CCSER1: variants seen among roughly 807,000 people sequenced by gnomAD.
CCSER1 encodes coiled-coil serine rich protein 1.
A neutral mutation model predicts 82.0 loss-of-function variants in CCSER1; 41 were observed. The ratio of observed to expected loss-of-function variants is 0.50; its 90% confidence interval spans 0.39 to 0.65. The LOEUF is 0.65. Among genes scored for constraint, CCSER1 ranks in the 30% least tolerant of loss-of-function variants. The probability of loss-of-function intolerance (pLI) is 0.00; values close to 1 mark genes in which losing one functional copy is unlikely to be tolerated. For missense variants in CCSER1, 1,119 were observed against 1,064.2 expected (o/e 1.05, Z -0.72); for synonymous variants, 414 against 383.9 (o/e 1.08, Z -0.92).
At chr4:90,307,100 G>A (rs1022032955) in intron 1 of CCSER1, among the ~76,000 whole-genome samples, 1 of 152,102 alleles carries the variant, frequency 6.6e-6, no homozygotes, top group African/African-American at 2.4e-5. Flanking sequence ...TTGCTTTTCT[G>A]TTGTAAAATG....
At chr4:90,779,598 C>T (rs991382493) in intron 7 of CCSER1, among the ~76,000 whole-genome samples, 6 of 152,216 alleles carry the variant, frequency 3.9e-5, no homozygotes, top group African/African-American at 1.4e-4. Context: ...AGACGTTCCT[C>T]ATGGGTTATG....
At chr4:91,350,213 A>T (rs1348666821) in intron 10 of CCSER1, among the ~76,000 whole-genome samples, 1 of 152,094 alleles carries the variant, frequency 6.6e-6, no homozygotes, top group Non-Finnish European at 1.5e-5. Flanking sequence ...TTCTGTATTA[A>T]ATTGAATTTG....
chr4:90,475,376 C>A (rs1578663774), intron 5 of CCSER1, among the ~76,000 whole-genome samples: 1 of 152,160 alleles, frequency 6.6e-6, no homozygotes, highest in Non-Finnish European at 1.5e-5. Flanking sequence ...AGGGTGGAAG[C>A]AGCATCTGAG....
At chr4:90,600,319 A>G (rs981618819) in intron 5 of CCSER1, among the ~76,000 whole-genome samples, 1 of 152,152 alleles carries the variant, frequency 6.6e-6, no homozygotes, top group Admixed American at 6.5e-5. Flanking sequence ...TACCAGGAGC[A>G]TATGAGATTT....
chr4:91,598,663 C>T lies in CCSER1; in HGVS notation c.2309C>T (p.Ser770Leu), dbSNP rs370719096. Residue 770 changes from serine to leucine, a missense_variant, in exon 11 of 11, where the codon TCG (serine) becomes TTG (leucine). Ser to Leu is a moderately radical substitution (Grantham distance 145). Coordinates refer to ENST00000509176, the MANE Select transcript of CCSER1 (RefSeq NM_001145065.2). Reference sequence around the variant, plus strand: ...CCCACCGAGGACCGTTTTAGGTATTCGGCAGCGGACCAGACAAGCCCCTAC... The same window carrying T: ...CCCACCGAGGACCGTTTTAGGTATTTGGCAGCGGACCAGACAAGCCCCTAC... ...HTPTEDRFRY[S>L]AADQTSPYKN... The T allele has an allele frequency of 2.6e-6, 4 of 1,551,434 alleles. No individual in the cohort carries two copies. Among genetic ancestry groups the T allele is most frequent in the African/African-American group, 1.4e-5 (1 of 73,096 alleles).
intron 5 of CCSER1, among the ~76,000 whole-genome samples, chr4:90,547,244 AG>A (rs1441636653): frequency 3.3e-5 from 5 of 152,058 alleles, no homozygotes; most frequent in Non-Finnish European, 7.4e-5. Flanking sequence ...AATAAAAAAA[AG>A]AAAAAAAAAG....
chr4:90,333,546 C>T lies in CCSER1; in HGVS notation c.1509+20499C>T, dbSNP rs183862795. Among the ~76,000 whole-genome samples the T allele has an allele frequency of 1.7e-3, 258 of 152,292 alleles. 1 individual carries two copies. The highest frequency in any genetic ancestry group is 0.01 in the Middle Eastern group (3 of 294). ...AGTCACTTTGAGATCCAAGAAGAGACATGCCTGGTCTTAATCAGACCGTGA... is the reference window on the plus strand; with the variant it reads ...AGTCACTTTGAGATCCAAGAAGAGATATGCCTGGTCTTAATCAGACCGTGA... On this transcript the variant is annotated intron_variant, in intron 3 of 10. Transcript: ENST00000509176.
chr4:90,523,931 T>A (rs1324083786), intron 5 of CCSER1, among the ~76,000 whole-genome samples: 1 of 152,156 alleles, frequency 6.6e-6, no homozygotes, highest in Non-Finnish European at 1.5e-5. Flanking sequence ...TAGCATATCC[T>A]GTGTACATGA....
At chr4:91,479,621 T>TAAGATGGA in intron 10 of CCSER1, among the ~76,000 whole-genome samples, 1 of 151,702 alleles carries the variant, frequency 6.6e-6, no homozygotes, top group South Asian at 2.1e-4. Context: ...CAGGGTATGG[T>TAAGATGGA]AAGATGGAGA....
chr4:90,499,834 A>G (rs1172235445), intron 5 of CCSER1, among the ~76,000 whole-genome samples: 2 of 152,174 alleles, frequency 1.3e-5, no homozygotes, highest in Non-Finnish European at 2.9e-5. Flanking sequence ...CTATTTTGCT[A>G]TGACCAAGCC....
chr4:91,494,129 C>T (rs916203763), intron 10 of CCSER1, among the ~76,000 whole-genome samples: 1 of 151,846 alleles, frequency 6.6e-6, no homozygotes, highest in Non-Finnish European at 1.5e-5. Context: ...GTAGCCAGTA[C>T]TAAATACCAA....
intron 10 of CCSER1, among the ~76,000 whole-genome samples, chr4:91,237,146 A>G (rs942003090): frequency 4.6e-5 from 7 of 152,082 alleles, no homozygotes; most frequent in Non-Finnish European, 8.8e-5. Flanking sequence ...TTTCATTGCA[A>G]TAAAATCAAT....
At chr4:91,211,025 T>A (rs1581778029) in intron 10 of CCSER1, among the ~76,000 whole-genome samples, 1 of 152,132 alleles carries the variant, frequency 6.6e-6, no homozygotes, top group East Asian at 1.9e-4. Flanking sequence ...AGTTTAAGTT[T>A]GTTTCAAAAT....
intron 10 of CCSER1, among the ~76,000 whole-genome samples, chr4:91,353,794 C>A (rs952260802): frequency 1.3e-5 from 2 of 152,164 alleles, no homozygotes; most frequent in African/African-American, 4.8e-5. Flanking sequence ...GAGCAGTAAG[C>A]AGGTTCCTAT....
chr4:90,361,212 A>G (rs1745315832), intron 3 of CCSER1, among the ~76,000 whole-genome samples: 1 of 152,242 alleles, frequency 6.6e-6, no homozygotes, highest in African/African-American at 2.4e-5. Context: ...TTATGATAGT[A>G]GCTAAAAAGT....
intron 6 of CCSER1, among the ~76,000 whole-genome samples, chr4:90,704,004 G>T (rs1465192116): frequency 1.3e-5 from 2 of 152,124 alleles, no homozygotes; most frequent in Admixed American, 6.5e-5. Context: ...GTGTGAATTT[G>T]ATCCTGTCTT....
chr4:90,432,437 A>G (rs1758407131), intron 4 of CCSER1, among the ~76,000 whole-genome samples: 2 of 152,188 alleles, frequency 1.3e-5, no homozygotes, highest in Admixed American at 1.3e-4. Context: ...TTACTTAACG[A>G]CATTGTAATG....
Position 90,899,581 on chromosome 4 carries a change from TG to T in CCSER1, c.2095-23786del, listed in dbSNP as rs376978788. 7.2e-3 allele frequency among the ~76,000 whole-genome samples: 1,089 copies of T among 152,178 alleles called. 13 individuals are homozygous for T. Among genetic ancestry groups the T allele is most frequent in the African/African-American group, 0.025 (1,034 of 41,554 alleles). On this transcript the variant is annotated intron_variant, in intron 8 of 10. Transcript: ENST00000509176. ...TTACCATTCAGTATCATGTTGGTTG[TG>T]GGTTTGTGATATATGGATCTTATTA...
intron 1 of CCSER1, among the ~76,000 whole-genome samples, chr4:90,286,113 T>A (rs1219988227): frequency 1.3e-5 from 2 of 152,046 alleles, no homozygotes; most frequent in Non-Finnish European, 2.9e-5. Flanking sequence ...TGTCATGTCA[T>A]TGTCTGGTTT....
Sources: gnomAD v4.1 joint callset for allele counts (sites outside exome capture counted in the v4.1 genomes callset) on GRCh38, gnomAD v4.1.1 for gene constraint, MANE v1.5 for transcripts, NCBI Gene and HGNC (gene_info 2026-07-23, HGNC 2026-07-21) for gene names.